RAVER2: variants seen among roughly 807,000 people sequenced by gnomAD.
RAVER2 encodes the protein ribonucleoprotein, PTB binding 2, also known as ribonucleoprotein PTB-binding 2.
RAVER2 carries 46 observed loss-of-function variants against 78.1 expected under a neutral mutation model. The observed-to-expected ratio is 0.59, with a 90% CI of 0.46 to 0.75. The LOEUF (loss-of-function observed/expected upper bound fraction) is 0.75. Among genes scored for constraint, RAVER2 ranks in the 30% least tolerant of loss-of-function variants. RAVER2 has a pLI of 0.00. For synonymous variants in RAVER2, 311 were observed against 313.3 expected, an observed-to-expected ratio of 0.99 and a Z score of 0.08; for missense variants, 793 against 837.5, an observed-to-expected ratio of 0.95 and a Z score of 0.66.
chr1:64,817,419 T>G (rs1404643537), intron 11 of RAVER2, among the ~76,000 whole-genome samples: 1 of 152,122 alleles, frequency 6.6e-6, no homozygotes, highest in Non-Finnish European at 1.5e-5. Context: ...ACCCAAAGAA[T>G]TATAAATCAT....
intron 11 of RAVER2, among the ~76,000 whole-genome samples, chr1:64,825,382 CTT>C (rs2100903124): frequency 6.6e-6 from 1 of 152,216 alleles, no homozygotes; most frequent in South Asian, 2.1e-4. Flanking sequence ...AGAGACAAGA[CTT>C]AGAAAAGGTG....
chr1:64,805,847 G>A lies in RAVER2; in HGVS notation c.1411+742G>A, dbSNP rs1653403485. On this transcript the variant is annotated intron_variant, in intron 8 of 11. Transcript: ENST00000294428. Reference sequence around the variant, plus strand: ...AATTGACTGGACAAAAGTTAAGCCAGTGAAGAAATTTTGTGATATCATGGG... The same window carrying A: ...AATTGACTGGACAAAAGTTAAGCCAATGAAGAAATTTTGTGATATCATGGG... Among the ~76,000 whole-genome samples the A allele has an allele frequency of 5.3e-5, 8 of 152,274 alleles. No homozygotes were observed. The South Asian group carries it at 1.7e-3, about 32-fold the overall frequency.
At chr1:64,751,650 T>C (rs574182365) in intron 1 of RAVER2, among the ~76,000 whole-genome samples, 4 of 152,330 alleles carry the variant, frequency 2.6e-5, no homozygotes, top group Non-Finnish European at 4.4e-5. Flanking sequence ...ATTCACACAT[T>C]CACAGGCATA....
intron 5 of RAVER2, among the ~76,000 whole-genome samples, chr1:64,801,520 CTTT>C (rs201988176): frequency 6.9e-6 from 1 of 144,844 alleles, no homozygotes. Context: ...AACATCCTCC[CTTT>C]TTTTTTTTTT....
chr1:64,786,197 TAGA>T (rs1652775550), intron 4 of RAVER2, among the ~76,000 whole-genome samples: 2 of 152,332 alleles, frequency 1.3e-5, no homozygotes, highest in African/African-American at 4.8e-5. Flanking sequence ...TGGAAGTTTT[TAGA>T]AGGTTTTTTG....
At chr1:64,806,386 T>G (rs1229795214) in intron 8 of RAVER2, among the ~76,000 whole-genome samples, 1 of 152,124 alleles carries the variant, frequency 6.6e-6, no homozygotes, top group Admixed American at 6.6e-5. Flanking sequence ...ACTCCAGCCT[T>G]GGCGATGGGA....
chr1:64,785,016 C>T (rs529268559), intron 4 of RAVER2, among the ~76,000 whole-genome samples: 68 of 152,320 alleles, frequency 4.5e-4, no homozygotes, highest in Middle Eastern at 3.4e-3. Context: ...AGCTCTTTCT[C>T]ATCCTCAAAT....
intron 2 of RAVER2, among the ~76,000 whole-genome samples, chr1:64,772,889 A>C (rs1048899728): frequency 6.6e-6 from 1 of 152,208 alleles, no homozygotes; most frequent in African/African-American, 2.4e-5. Flanking sequence ...CCAATCTGGC[A>C]CTTGGCTTTT....
intron 5 of RAVER2, among the ~76,000 whole-genome samples, chr1:64,789,753 A>T (rs1268444373): frequency 6.6e-6 from 1 of 152,190 alleles, no homozygotes; most frequent in Non-Finnish European, 1.5e-5. Context: ...AATAAATGCT[A>T]AATATCAAAC....
At chr1:64,777,288 A>T (rs1652491547) in intron 2 of RAVER2, among the ~76,000 whole-genome samples, 1 of 152,068 alleles carries the variant, frequency 6.6e-6, no homozygotes, top group Non-Finnish European at 1.5e-5. Flanking sequence ...TTTGGGTGGG[A>T]GGAAATCAAA....
rs143474972 is a variant in RAVER2, at chr1:64,807,135, CAAAATT to C, written c.1412-66_1412-61del. 1.6e-3 allele frequency: 2,359 copies of C among 1,494,598 alleles called. 34 individuals are homozygous for C. In the African/African-American group the frequency reaches 0.03, roughly 19 times the overall value. 92.6% of individuals were successfully genotyped at this position (1,494,598 alleles called of 1,614,324 possible). A position where few individuals can be genotyped will look rare whatever the true frequency, so the allele number is the denominator to read the frequency against. On this transcript the variant is annotated intron_variant, in intron 8 of 11. Transcript: ENST00000294428. ...TCTCTGCATTTTGCTCATAACTTAA[CAAAATT>C]AAAAGGACTATTGTGAATAAATATT...
At chr1:64,779,066 CA>C (rs1652554904) in intron 3 of RAVER2, among the ~76,000 whole-genome samples, 1 of 150,462 alleles carries the variant, frequency 6.6e-6, no homozygotes, top group South Asian at 2.1e-4. Flanking sequence ...AGTATATATA[CA>C]TTGTAGAATG....
intron 1 of RAVER2, among the ~76,000 whole-genome samples, chr1:64,752,240 G>A (rs1570522866): frequency 6.6e-6 from 1 of 152,172 alleles, no homozygotes. Flanking sequence ...CACTAGTGGG[G>A]GATCAGAGGG....
intron 1 of RAVER2, among the ~76,000 whole-genome samples, chr1:64,767,299 G>A (rs1462669839): frequency 2.0e-5 from 3 of 151,956 alleles, no homozygotes; most frequent in African/African-American, 7.2e-5. Flanking sequence ...TAATGATAGT[G>A]TACTGTTTTT....
At chr1:64,780,235 G>A (rs140945240) in intron 3 of RAVER2, among the ~76,000 whole-genome samples, 100 of 152,252 alleles carry the variant, frequency 6.6e-4, no homozygotes, top group African/African-American at 2.3e-3. Flanking sequence ...AGACCAAAAT[G>A]ATTAATTAGT....
At chr1:64,808,189 C>G (rs996483640) in intron 9 of RAVER2, among the ~76,000 whole-genome samples, 1 of 152,012 alleles carries the variant, frequency 6.6e-6, no homozygotes, top group Non-Finnish European at 1.5e-5. Flanking sequence ...TAAAATACCA[C>G]TGATATTTAT....
intron 4 of RAVER2, among the ~76,000 whole-genome samples, chr1:64,783,989 TC>T (rs1241478764): frequency 1.3e-5 from 2 of 152,240 alleles, no homozygotes; most frequent in Non-Finnish European, 1.5e-5. Context: ...CCTCCACTGT[TC>T]AAGTGAATCT....
chr1:64,815,863 G>A (rs567701019), intron 11 of RAVER2: 1 of 152,284 alleles, frequency 6.6e-6, no homozygotes, highest in Non-Finnish European at 1.5e-5. Context: ...ATGTAATTAG[G>A]TGACAGTATA....
In RAVER2 at chr1:64,761,527, T is replaced by A. The variant is rs542218622; in HGVS notation, c.250-7129T>A. Among the ~76,000 whole-genome samples the A allele has an allele frequency of 5.3e-5, 8 of 152,288 alleles. No homozygotes were observed. In the South Asian group the frequency reaches 6.2e-4, roughly 12 times the overall value. On this transcript the variant is annotated intron_variant, in intron 1 of 11. Transcript: ENST00000294428. The stretch of plus-strand genomic sequence containing the variant: ...CTTTATAAAATTTAACACTCATACA[T>A]CGTAATACTTACAGCAGGCAGGAAT...
Sources: allele counts gnomAD v4.1 joint callset (sites outside exome capture counted in the v4.1 genomes callset), GRCh38; gene constraint gnomAD v4.1.1; transcripts MANE v1.5; gene names NCBI Gene and HGNC (gene_info 2026-07-23, HGNC 2026-07-21).